Variants in MDGA2 observed in about 807,000 individuals in gnomAD.
MDGA2 encodes the protein MAM domain containing glycosylphosphatidylinositol anchor 2.
In MDGA2, 40 loss-of-function variants were observed where a neutral mutation model predicts 117.8. The ratio of observed to expected loss-of-function variants is 0.34; its 90% CI spans 0.26 to 0.44. The LOEUF (loss-of-function observed/expected upper bound fraction) is 0.44. Among genes scored for constraint, MDGA2 ranks in the 20% least tolerant of loss-of-function variants. MDGA2 has a pLI of 1.00. For missense variants in MDGA2, 1,123 were observed against 1,250.6 expected (o/e 0.90, Z 1.54); for synonymous variants, 452 against 439.0 (o/e 1.03, Z -0.37).
Position 47,207,990 on chromosome 14 carries a change from G to T in MDGA2, c.595+10031C>A, listed in dbSNP as rs371171368. On this transcript the variant is annotated intron_variant, in intron 3 of 16. Coordinates refer to ENST00000399232, the MANE Select transcript of MDGA2 (RefSeq NM_001113498.3). ...ACAGCTAAGTTTTTGAAAATATCAA[G>T]TATTGAAGCAAGGTCAGATGTACTC... 7.2e-5 allele frequency among the ~76,000 whole-genome samples: 11 copies of T among 152,116 alleles called. No homozygotes were observed. In the South Asian group the frequency reaches 1.5e-3, roughly 20 times the overall value.
At chr14:47,364,556 G>A (rs1392441862) in intron 1 of MDGA2, among the ~76,000 whole-genome samples, 1 of 152,136 alleles carries the variant, frequency 6.6e-6, no homozygotes, top group East Asian at 1.9e-4. Context: ...GAGCCACCGC[G>A]CCGGCCCCAG....
In MDGA2 at chr14:47,172,028, T is replaced by C. The variant is rs1884167548; in HGVS notation, c.596-27754A>G. ...ATGGCTCACAGGGTCCTATGCCCACTGAGTCTCGCTGATTGCTAGCACAGT... is the reference window on the plus strand; with the variant it reads ...ATGGCTCACAGGGTCCTATGCCCACCGAGTCTCGCTGATTGCTAGCACAGT... On this transcript the variant is annotated intron_variant, in intron 3 of 16. Transcript: ENST00000399232. 1.3e-5 allele frequency among the ~76,000 whole-genome samples: 2 copies of C among 152,130 alleles called. 1 individual carries two copies. Among genetic ancestry groups the C allele is most frequent in the Admixed American group, 1.3e-4 (2 of 15,282 alleles).
chr14:47,268,109 G>C (rs1473667303), intron 2 of MDGA2, among the ~76,000 whole-genome samples: 1 of 144,106 alleles, frequency 6.9e-6, no homozygotes, highest in African/African-American at 2.6e-5. Flanking sequence ...TTTCGTTCTT[G>C]TTGCCCAGGC....
rs148064548 is a variant in MDGA2, at chr14:47,112,648, G to A, written c.926-15525C>T. On this transcript the variant is annotated intron_variant, in intron 5 of 16. Coordinates refer to ENST00000399232, the MANE Select transcript of MDGA2 (RefSeq NM_001113498.3). ...GCTTTATCCAGTCTATCACTGATGG[G>A]CATTTGGGTTGATTCCATGTCTTTG... is the stretch of plus-strand genomic sequence containing the variant. 1.4e-3 allele frequency among the ~76,000 whole-genome samples: 206 copies of A among 152,242 alleles called. 1 individual carries two copies. Among genetic ancestry groups the A allele is most frequent in the African/African-American group, 4.8e-3 (199 of 41,538 alleles).
chr14:47,393,331 A>C (rs2138442632), intron 1 of MDGA2, among the ~76,000 whole-genome samples: 1 of 151,808 alleles, frequency 6.6e-6, no homozygotes, highest in Admixed American at 6.6e-5. Flanking sequence ...CAGAATCCCT[A>C]TTTATTTTAG....
At chr14:46,887,242 A>G (rs527789136) in intron 10 of MDGA2, among the ~76,000 whole-genome samples, 2 of 152,112 alleles carry the variant, frequency 1.3e-5, no homozygotes, top group South Asian at 4.1e-4. Flanking sequence ...CATTATATGT[A>G]ATATCCCACA....
At chr14:46,867,598 T>C (rs988536530) in intron 14 of MDGA2, among the ~76,000 whole-genome samples, 1 of 152,080 alleles carries the variant, frequency 6.6e-6, no homozygotes, top group Non-Finnish European at 1.5e-5. Flanking sequence ...TTTACATTCC[T>C]TCTCTACATT....
Position 47,630,218 on chromosome 14 carries a change from T to G in MDGA2, c.280+44299A>C, listed in dbSNP as rs535837175. On this transcript the variant is annotated intron_variant, in intron 1 of 16. Coordinates refer to ENST00000399232, the MANE Select transcript of MDGA2 (RefSeq NM_001113498.3). ...AATGAACACATAGACAAAAGCCTAGTTAGCAATCACTTCTGCAATATATAC... is the reference window on the plus strand; with the variant it reads ...AATGAACACATAGACAAAAGCCTAGGTAGCAATCACTTCTGCAATATATAC... Among the ~76,000 whole-genome samples, 8 of 152,312 alleles carry G rather than the reference T, an allele frequency of 5.3e-5. No individual in the cohort carries two copies. The South Asian group carries it at 1.7e-3, about 32-fold the overall frequency.
intron 9 of MDGA2, among the ~76,000 whole-genome samples, chr14:46,922,077 G>A (rs938826167): frequency 5.3e-5 from 8 of 151,876 alleles, no homozygotes; most frequent in Non-Finnish European, 7.4e-5. Context: ...GACAACTAGG[G>A]GTTTTTTTTA....
At chr14:46,932,278 G>C (rs1176989878) in intron 9 of MDGA2, among the ~76,000 whole-genome samples, 1 of 151,718 alleles carries the variant, frequency 6.6e-6, no homozygotes, top group Non-Finnish European at 1.5e-5. Flanking sequence ...AAGATCTTTA[G>C]ACTTGTATGA....
chr14:46,926,583 T>C lies in MDGA2; in HGVS notation c.2090-6423A>G, dbSNP rs568856085. On this transcript the variant is annotated intron_variant, in intron 9 of 16. Coordinates refer to ENST00000399232, the MANE Select transcript of MDGA2 (RefSeq NM_001113498.3). ...TGTTAGGTAAAATACACAATAAAAA[T>C]ATACGCAGCTCTCTGTCATTCCTCC... is the stretch of plus-strand genomic sequence containing the variant. Among the ~76,000 whole-genome samples the C allele has an allele frequency of 9.9e-5, 15 of 152,198 alleles. No individual in the cohort carries two copies. In the East Asian group the frequency reaches 2.7e-3, roughly 27 times the overall value.
At chr14:46,966,839 G>C (rs1415398354) in intron 8 of MDGA2, among the ~76,000 whole-genome samples, 1 of 150,226 alleles carries the variant, frequency 6.7e-6, no homozygotes, top group Non-Finnish European at 1.5e-5. Flanking sequence ...TCCATATAGA[G>C]ATATCTACCT....
At chr14:47,198,315 G>A (rs1220505372) in intron 3 of MDGA2, among the ~76,000 whole-genome samples, 2 of 152,174 alleles carry the variant, frequency 1.3e-5, no homozygotes, top group African/African-American at 4.8e-5. Flanking sequence ...GCTCACGCCT[G>A]TAATCCCAGC....
intron 1 of MDGA2, among the ~76,000 whole-genome samples, chr14:47,492,101 C>A (rs1401750074): frequency 6.6e-6 from 1 of 152,078 alleles, no homozygotes; most frequent in Non-Finnish European, 1.5e-5. Context: ...AATATAAATT[C>A]TTCTTTTCTT....
intron 2 of MDGA2, among the ~76,000 whole-genome samples, chr14:47,292,767 T>G (rs555375325): frequency 2.0e-5 from 3 of 152,304 alleles, no homozygotes; most frequent in African/African-American, 7.2e-5. Flanking sequence ...TCTTCCATTA[T>G]AGCGGAAAAT....
At chr14:46,982,555 A>G (rs150021359) in intron 8 of MDGA2, among the ~76,000 whole-genome samples, 5 of 151,694 alleles carry the variant, frequency 3.3e-5, no homozygotes, top group African/African-American at 1.2e-4. Flanking sequence ...CTAAAAATAT[A>G]AAAATTAGCT....
chr14:47,457,201 T>C (rs1893372933), intron 1 of MDGA2, among the ~76,000 whole-genome samples: 1 of 152,198 alleles, frequency 6.6e-6, no homozygotes, highest in Non-Finnish European at 1.5e-5. Flanking sequence ...CTTCTTGGAA[T>C]ATATTCTCCC....
chr14:46,841,765 T>C lies in MDGA2; in HGVS notation c.*166A>G. 4 of 486,260 alleles carry C rather than the reference T, an allele frequency of 8.2e-6. No homozygotes were observed. The highest frequency in any genetic ancestry group is 1.1e-5 in the Non-Finnish European group (3 of 269,222). 30.1% of individuals were successfully genotyped at this position (486,260 alleles called of 1,614,324 possible). On this transcript the variant is annotated 3_prime_UTR_variant, in exon 17 of 17. Coordinates refer to ENST00000399232, the MANE Select transcript of MDGA2 (RefSeq NM_001113498.3). ...TGGAATAAGTTATACTTCCATGATG[T>C]CTTTTTATCCCCAGTGCTTAAAAAA...
intron 1 of MDGA2, among the ~76,000 whole-genome samples, chr14:47,352,480 C>G (rs1472914285): frequency 6.6e-6 from 1 of 152,136 alleles, no homozygotes; most frequent in Non-Finnish European, 1.5e-5. Flanking sequence ...TGGACTCAGC[C>G]CACCGGCACT....
Sources: gnomAD v4.1 joint callset for allele counts (sites outside exome capture counted in the v4.1 genomes callset) on GRCh38, gnomAD v4.1.1 for gene constraint, MANE v1.5 for transcripts, NCBI Gene and HGNC (gene_info 2026-07-23, HGNC 2026-07-21) for gene names.